The following PSD3 variants were observed in gnomAD, a reference collection of about 807,000 sequenced individuals.
PSD3 encodes the protein pleckstrin and Sec7 domain containing 3, also known as PH and SEC7 domain-containing protein 3.
PSD3 carries 49 observed loss-of-function variants against 105.5 expected under a neutral mutation model. The observed-to-expected ratio is 0.46, with a 90% CI of 0.37 to 0.59. PSD3 has a LOEUF of 0.59. Among genes scored for constraint, PSD3 ranks in the 20% least tolerant of loss-of-function variants. The probability of loss-of-function intolerance (pLI) is 0.00; values close to 1 mark genes in which losing one functional copy is unlikely to be tolerated. For synonymous variants in PSD3, 557 were observed against 457.8 expected, an observed-to-expected ratio of 1.22 and a Z score of -2.77; for missense variants, 1,561 against 1,263.8, an observed-to-expected ratio of 1.24 and a Z score of -3.57.
chr8:18,817,223 A>G (rs1358919087), intron 4 of PSD3, among the ~76,000 whole-genome samples: 1 of 152,254 alleles, frequency 6.6e-6, no homozygotes, highest in Non-Finnish European at 1.5e-5. Flanking sequence ...CGGAGAAGGT[A>G]CAACAATTTA....
Position 18,565,814 on chromosome 8 carries a change from T to A in PSD3, c.2784+6714A>T, listed in dbSNP as rs550565888. On this transcript the variant is annotated intron_variant, in intron 14 of 15. Transcript: ENST00000327040. Reference sequence around the variant, plus strand: ...GGTTCTCAATAGGAGTGGGTTGGATTTTGACCCCAGAAGATATTTGGCAAT... The same window carrying A: ...GGTTCTCAATAGGAGTGGGTTGGATATTGACCCCAGAAGATATTTGGCAAT... Among the ~76,000 whole-genome samples the A allele has an allele frequency of 2.8e-4, 42 of 152,230 alleles. No individual in the cohort carries two copies. The East Asian group carries it at 7.9e-3, about 29-fold the overall frequency.
chr8:18,613,416 A>G (rs1030591366), intron 11 of PSD3, among the ~76,000 whole-genome samples: 1 of 152,166 alleles, frequency 6.6e-6, no homozygotes, highest in African/African-American at 2.4e-5. Flanking sequence ...AGAGCCTGTT[A>G]GCAGGACTCT....
chr8:18,623,292 A>G (rs1246620887), intron 11 of PSD3, among the ~76,000 whole-genome samples: 2 of 151,900 alleles, frequency 1.3e-5, no homozygotes, highest in African/African-American at 4.8e-5. Flanking sequence ...TTTCCATGCA[A>G]TCAGATGTTC....
intron 9 of PSD3, among the ~76,000 whole-genome samples, chr8:18,693,947 G>C (rs1248065739): frequency 2.6e-5 from 4 of 152,164 alleles, no homozygotes; most frequent in African/African-American, 9.7e-5. Flanking sequence ...GCATTAGCAT[G>C]GCATCTGATA....
At chr8:18,567,296 T>C (rs1801844402) in intron 14 of PSD3, among the ~76,000 whole-genome samples, 1 of 151,192 alleles carries the variant, frequency 6.6e-6, no homozygotes, top group African/African-American at 2.5e-5. Context: ...AGTTACTTGA[T>C]TTTTTCCCTC....
chr8:18,917,741 C>T (rs1002128296), intron 2 of PSD3, among the ~76,000 whole-genome samples: 2 of 152,128 alleles, frequency 1.3e-5, no homozygotes, highest in Non-Finnish European at 2.9e-5. Flanking sequence ...GAACGTGGAG[C>T]TCAAGCAAAC....
At position 18,535,395 on chromosome 8, in the gene PSD3, T is replaced by TA. The variant is rs1799796967; in HGVS notation, c.*347dup. On this transcript the variant is annotated 3_prime_UTR_variant, in exon 16 of 16. Transcript: ENST00000327040. The stretch of plus-strand genomic sequence containing the variant: ...CACAATGGATTAAATTCTTTAACCT[T>TA]AAAAAAAAGTTTAACAGTTGATATG... 1.0e-4 allele frequency: 24 copies of TA among 229,166 alleles called. No individual in the cohort carries two copies. Among genetic ancestry groups the TA allele is most frequent in the Non-Finnish European group, 1.6e-4 (18 of 114,798 alleles). 14.2% of individuals were successfully genotyped at this position (229,166 alleles called of 1,614,324 possible). A position where few individuals can be genotyped will look rare whatever the true frequency, so the allele number is the denominator to read the frequency against.
chr8:18,787,874 C>T (rs1393707650), intron 8 of PSD3, among the ~76,000 whole-genome samples: 2 of 152,166 alleles, frequency 1.3e-5, no homozygotes, highest in African/African-American at 4.8e-5. Flanking sequence ...AGTGTCCAAG[C>T]TCTAGCAGGT....
chr8:18,920,975 T>C (rs1820974219), intron 2 of PSD3, among the ~76,000 whole-genome samples: 1 of 152,198 alleles, frequency 6.6e-6, no homozygotes, highest in South Asian at 2.1e-4. Context: ...CTACCTATAC[T>C]TATAATATTT....
chr8:19,005,220 A>G (rs1826616751), intron 1 of PSD3, among the ~76,000 whole-genome samples: 3 of 152,056 alleles, frequency 2.0e-5, no homozygotes, highest in African/African-American at 7.2e-5. Context: ...TGAACGGATA[A>G]ATAAAATGTG....
intron 10 of PSD3, among the ~76,000 whole-genome samples, chr8:18,643,469 T>C (rs1387274034): frequency 1.3e-5 from 2 of 152,208 alleles, no homozygotes; most frequent in African/African-American, 4.8e-5. Flanking sequence ...CAGGTCAATT[T>C]GAGGCATGAT....
chr8:18,604,757 C>T (rs77920420), intron 11 of PSD3, among the ~76,000 whole-genome samples: 5,264 of 152,274 alleles, frequency 0.035, 299 homozygotes, highest in East Asian at 0.22. Flanking sequence ...AGCCTCGGGA[C>T]ACTGCTCCTT....
At chr8:18,695,994 AC>A (rs1307385813) in intron 9 of PSD3, among the ~76,000 whole-genome samples, 6 of 152,112 alleles carry the variant, frequency 3.9e-5, no homozygotes, top group African/African-American at 1.4e-4. Context: ...CTGCCCAGAC[AC>A]CCCTTCAGGA....
At chr8:18,937,525 CA>C (rs1822218590) in intron 1 of PSD3, among the ~76,000 whole-genome samples, 1 of 151,378 alleles carries the variant, frequency 6.6e-6, no homozygotes, top group African/African-American at 2.4e-5. Context: ...GAGACAGGTT[CA>C]GGGGGCAGAC....
At chr8:18,999,329 G>C (rs1826247109) in intron 1 of PSD3, among the ~76,000 whole-genome samples, 1 of 151,838 alleles carries the variant, frequency 6.6e-6, no homozygotes, top group Non-Finnish European at 1.5e-5. Flanking sequence ...ATTCATACCT[G>C]CTGCTCACAG....
At position 18,865,276 on chromosome 8, in the gene PSD3, ATATATATATATTTTTTTTTTTT is replaced by A. The variant is rs1563360561; in HGVS notation, c.1634+2376_1634+2397del. The A allele has an allele frequency of 5.8e-3, 12 of 2,054 alleles. 1 individual carries two copies. The highest frequency in any genetic ancestry group is 0.017 in the African/African-American group (9 of 532). The allele number at this position is 2,054 out of a possible 1,614,324, so 0.1% of individuals were successfully genotyped here. A position where few individuals can be genotyped will look rare whatever the true frequency, so the allele number is the denominator to read the frequency against. On this transcript the variant is annotated intron_variant, in intron 4 of 15. Transcript: ENST00000327040. ...TATATATATATATATATATATATAT[ATATATATATATTTTTTTTTTTT>A]TTTTTTTTTTTAAAGGCTATCTGAG...
chr8:18,970,182 G>A (rs373000619), intron 1 of PSD3, among the ~76,000 whole-genome samples: 3,650 of 151,318 alleles, frequency 0.024, 97 homozygotes, highest in African/African-American at 0.064. Flanking sequence ...AAAATTAGCC[G>A]GGCGTGGTGG....
intron 1 of PSD3, among the ~76,000 whole-genome samples, chr8:18,974,782 G>C (rs1161087812): frequency 1.3e-5 from 2 of 152,188 alleles, no homozygotes; most frequent in East Asian, 1.9e-4. Context: ...TGCTGCAAAG[G>C]AGCACAGAAG....
intron 1 of PSD3, among the ~76,000 whole-genome samples, chr8:19,063,069 A>AG (rs1828957125): frequency 6.6e-6 from 1 of 152,236 alleles, no homozygotes. Flanking sequence ...AGAAAGGTAG[A>AG]GAAAAACAGC....
Sources: gnomAD v4.1 joint callset for allele counts (sites outside exome capture counted in the v4.1 genomes callset) on GRCh38, gnomAD v4.1.1 for gene constraint, MANE v1.5 for transcripts, NCBI Gene and HGNC (gene_info 2026-07-23, HGNC 2026-07-21) for gene names.